UGT2B11: variants seen among roughly 807,000 people sequenced by gnomAD.
UGT2B11 encodes UDP-glucuronosyltransferase 2B11.
UGT2B11 carries 49 observed loss-of-function variants against 51.7 expected under a neutral mutation model. The ratio of observed to expected loss-of-function variants is 0.95; its 90% CI spans 0.75 to 1.20. The LOEUF (loss-of-function observed/expected upper bound fraction) is 1.20, where lower values mean the gene tolerates loss of function less well. Ranked by LOEUF, UGT2B11 falls within the 50% of genes most tolerant of loss-of-function variation. UGT2B11 has a pLI of 0.00. For missense variants in UGT2B11, 810 were observed against 622.1 expected (o/e 1.30, Z -3.21); for synonymous variants, 273 against 209.0 (o/e 1.31, Z -2.64).
intron 5 of UGT2B11, among the ~76,000 whole-genome samples, chr4:69,203,456 T>C (rs1232025937): frequency 6.6e-6 from 1 of 151,730 alleles, no homozygotes; most frequent in Non-Finnish European, 1.5e-5. Flanking sequence ...CAGTTCTCCA[T>C]AAACATACAG....
intron 5 of UGT2B11, among the ~76,000 whole-genome samples, chr4:69,201,902 T>G (rs1721673698): frequency 6.6e-6 from 1 of 151,870 alleles, no homozygotes; most frequent in South Asian, 2.1e-4. Context: ...GAGATGAAGA[T>G]ACCAATTTAC....
At chr4:69,202,210 G>C (rs1259782217) in intron 5 of UGT2B11, among the ~76,000 whole-genome samples, 1 of 151,506 alleles carries the variant, frequency 6.6e-6, no homozygotes, top group Non-Finnish European at 1.5e-5. Context: ...ACAATTTTTG[G>C]ACACTGTTGA....
upstream of UGT2B11, among the ~76,000 whole-genome samples, chr4:69,218,994 T>C (rs1318577780): frequency 1.3e-5 from 2 of 152,116 alleles, no homozygotes; most frequent in Non-Finnish European, 2.9e-5. Context: ...TGACTCACCT[T>C]TCCCTAGAAA....
the UGT2B11 span, among the ~76,000 whole-genome samples, chr4:69,220,134 G>A: frequency 5.3e-5 from 8 of 152,156 alleles, no homozygotes; most frequent in Non-Finnish European, 8.8e-5. Context: ...CTCCATGCAA[G>A]TCCGAAATCC....
At chr4:69,210,546 G>C (rs923468319) in intron 2 of UGT2B11, among the ~76,000 whole-genome samples, 3 of 151,508 alleles carry the variant, frequency 2.0e-5, no homozygotes, top group African/African-American at 4.8e-5. Context: ...ACAAGACCTA[G>C]TATTAGTAAT....
intron 5 of UGT2B11, among the ~76,000 whole-genome samples, chr4:69,203,836 A>G (rs1330488972): frequency 6.6e-6 from 1 of 151,652 alleles, no homozygotes; most frequent in Non-Finnish European, 1.5e-5. Flanking sequence ...TTAGACTAGG[A>G]CTAAGCAGTT....
intron 3 of UGT2B11, among the ~76,000 whole-genome samples, chr4:69,207,115 A>G (rs1721888518): frequency 6.6e-6 from 1 of 151,606 alleles, no homozygotes; most frequent in Admixed American, 6.6e-5. Flanking sequence ...ATCATGAATA[A>G]AAATAAAGCT....
chr4:69,214,403 A>G lies in UGT2B11; in HGVS notation c.320T>C (p.Leu107Ser). Residue 107 changes from leucine (L) to serine (S), a missense_variant, in exon 1 of 6, where the codon TTA (leucine) becomes TCA (serine). By Grantham distance (145) the Leu-to-Ser change is moderately radical. Transcript: ENST00000446444. Reference sequence around the variant, plus strand: ...GATTTCTTGTTCTTGTGAAAAATATAACCAAAAGCTATCTTTTCGAATGTC... The same window carrying G: ...GATTTCTTGTTCTTGTGAAAAATATGACCAAAAGCTATCTTTTCGAATGTC... ...WSDIRKDSFW[L>S]YFSQEQEILW... The G allele has an allele frequency of 6.2e-7, 1 of 1,612,988 alleles. No individual in the cohort carries two copies. The highest frequency in any genetic ancestry group is 8.5e-7 in the Non-Finnish European group (1 of 1,179,472).
chr4:69,211,900 G>A lies in UGT2B11; in HGVS notation c.870+673C>T, dbSNP rs148971144. 1.8e-3 allele frequency among the ~76,000 whole-genome samples: 270 copies of A among 151,238 alleles called. 3 individuals carry two copies. The highest frequency in any genetic ancestry group is 6.4e-3 in the African/African-American group (265 of 41,364). ...ATATTTCCACTACTAATATGTATCC[G>A]GCTCTAATTTACCTCTTAGTATCAT... On this transcript the variant is annotated intron_variant, in intron 2 of 5. Coordinates refer to ENST00000446444, the MANE Select transcript of UGT2B11 (RefSeq NM_001073.3).
At chr4:69,201,916 C>T (rs1171958685) in intron 5 of UGT2B11, among the ~76,000 whole-genome samples, 1 of 151,830 alleles carries the variant, frequency 6.6e-6, no homozygotes, top group African/African-American at 2.4e-5. Flanking sequence ...AATTTACCTA[C>T]TGTTCAGGTC....
chr4:69,215,423 G>A (rs1722239483), upstream of UGT2B11: 1 of 151,898 alleles, frequency 6.6e-6, no homozygotes, highest in Non-Finnish European at 1.5e-5. Flanking sequence ...TTAGTTTAAT[G>A]TTTTTAAAGG....
At chr4:69,223,224 T>G in the UGT2B11 span, among the ~76,000 whole-genome samples, 1 of 152,134 alleles carries the variant, frequency 6.6e-6, no homozygotes, top group African/African-American at 2.4e-5. Context: ...TTTTTAAGGT[T>G]TCAGGGTTGA....
rs1409258109 is a variant in UGT2B11 at position 69,202,354 on chromosome 4, AT to A, written c.1311-1636del. Among the ~76,000 whole-genome samples the A allele has an allele frequency of 4.6e-5, 7 of 151,782 alleles. 2 individuals carry two copies. Among genetic ancestry groups the A allele is most frequent in the East Asian group, 3.9e-4 (2 of 5,110 alleles). The stretch of plus-strand genomic sequence containing the variant: ...CTTATGATTTACTTCTTGACTGTAA[AT>A]TTTTTTGAAGTGTATTTTGTTAATT... On this transcript the variant is annotated intron_variant, in intron 5 of 5. Coordinates refer to ENST00000446444, the MANE Select transcript of UGT2B11 (RefSeq NM_001073.3).
In UGT2B11 at chr4:69,200,664, G is replaced by T. The variant is rs192052646; in HGVS notation, c.1366C>A (p.Pro456Thr). ...SRIQHDQPVK[P>T]LDRAVFWIEF... ...ATCCAGAAGACTGCTCGATCCAGGG[G>T]CTTTACTGGTTGATCATGTTGAATT... is the stretch of plus-strand genomic sequence containing the variant. The change falls in exon 6 of 6, where the codon CCC (proline) becomes ACC (threonine). Residue 456 changes from proline (P) to threonine (T), a missense_variant. Coordinates refer to ENST00000446444, the MANE Select transcript of UGT2B11 (RefSeq NM_001073.3). 1.2e-6 allele frequency: 2 copies of T among 1,612,070 alleles called. No individual in the cohort carries two copies. Among genetic ancestry groups the T allele is most frequent in the Non-Finnish European group, 8.5e-7 (1 of 1,178,772 alleles).
chr4:69,221,053 G>A, the UGT2B11 span, among the ~76,000 whole-genome samples: 1 of 152,184 alleles, frequency 6.6e-6, no homozygotes, highest in Non-Finnish European at 1.5e-5. Context: ...ATAAGGGTTC[G>A]CGTGTGGCAA....
intron 2 of UGT2B11, among the ~76,000 whole-genome samples, chr4:69,210,468 A>G (rs1173578226): frequency 1.3e-5 from 2 of 151,676 alleles, no homozygotes; most frequent in Admixed American, 1.3e-4. Context: ...ATTATTTTAC[A>G]TAATAAACAG....
Position 69,214,460 on chromosome 4 carries a change from T to C in UGT2B11, c.263A>G (p.Asn88Ser). Residue 88 changes from asparagine (N) to serine (S), a missense_variant, in exon 1 of 6, where the codon AAT (asparagine) becomes AGT (serine). Physicochemically the swap from Asn to Ser is conservative, Grantham distance 46 (BLOSUM62 1). Coordinates refer to ENST00000446444, the MANE Select transcript of UGT2B11 (RefSeq NM_001073.3). The stretch of plus-strand genomic sequence containing the variant: ...TCTCTTAACCTGTTGCATGATGATA[T>C]TCTCAAATTCAGTTTTAGTTAAAGA... ...PTSLTKTEFE[N>S]IIMQQVKRWS... 1 of 1,613,338 alleles carries C rather than the reference T, an allele frequency of 6.2e-7. No individual in the cohort carries two copies. The highest frequency in any genetic ancestry group is 8.5e-7 in the Non-Finnish European group (1 of 1,179,538).
At chr4:69,214,758 T>C (rs1268546341), upstream of UGT2B11, 2 of 1,597,584 alleles carry the variant, frequency 1.3e-6, no homozygotes, top group South Asian at 1.1e-5. Flanking sequence ...CCAGTCACTG[T>C]TTCTTTCTCA....
chr4:69,206,278 G>A (rs1443182353), intron 3 of UGT2B11, among the ~76,000 whole-genome samples: 21 of 145,740 alleles, frequency 1.4e-4, no homozygotes, highest in South Asian at 4.4e-4. Context: ...TATACACTAC[G>A]GAATATTATG....
Sources: gnomAD v4.1 joint callset for allele counts (sites outside exome capture counted in the v4.1 genomes callset) on GRCh38, gnomAD v4.1.1 for gene constraint, MANE v1.5 for transcripts, NCBI Gene and HGNC (gene_info 2026-07-23, HGNC 2026-07-21) for gene names.